Variants in RBFOX1 observed in about 807,000 individuals in gnomAD.
RBFOX1 encodes RNA binding protein fox-1 homolog 1.
In RBFOX1, 8 loss-of-function variants were observed where a neutral mutation model predicts 57.7. The ratio of observed to expected loss-of-function variants is 0.14; its 90% CI spans 0.08 to 0.25. The LOEUF (loss-of-function observed/expected upper bound fraction) is 0.25. Ranked by LOEUF, RBFOX1 falls within the 10% of genes least tolerant of loss-of-function variation. RBFOX1 has a pLI of 1.00. For synonymous variants in RBFOX1, 326 were observed against 222.4 expected (o/e 1.47, Z -4.15); for missense variants, 611 against 548.5 (o/e 1.11, Z -1.14).
At chr16:7,347,420 G>C (rs960127959) in intron 4 of RBFOX1, among the ~76,000 whole-genome samples, 12 of 152,202 alleles carry the variant, frequency 7.9e-5, no homozygotes, top group Admixed American at 7.2e-4. Flanking sequence ...CATGAGACTT[G>C]TTCATTATCA....
At chr16:7,228,676 C>G (rs1395501899) in intron 4 of RBFOX1, among the ~76,000 whole-genome samples, 3 of 152,218 alleles carry the variant, frequency 2.0e-5, no homozygotes, top group African/African-American at 4.8e-5. Flanking sequence ...GGCTGTGCCT[C>G]TCGCTTTATT....
At chr16:7,178,528 T>A (rs1205589454) in intron 4 of RBFOX1, among the ~76,000 whole-genome samples, 1 of 152,228 alleles carries the variant, frequency 6.6e-6, no homozygotes, top group Admixed American at 6.5e-5. Flanking sequence ...AACAATGTGA[T>A]GTGTGCATGG....
At chr16:7,383,693 C>T (rs891909902) in intron 4 of RBFOX1, among the ~76,000 whole-genome samples, 4 of 152,080 alleles carry the variant, frequency 2.6e-5, no homozygotes, top group South Asian at 2.1e-4. Context: ...CTTAAGTTCC[C>T]ATTCTGTATA....
chr16:6,389,286 T>C (rs1429309387), intron 2 of RBFOX1, among the ~76,000 whole-genome samples: 2 of 152,210 alleles, frequency 1.3e-5, no homozygotes, highest in Non-Finnish European at 2.9e-5. Flanking sequence ...CACAGATGCA[T>C]ACAGGACTCT....
intron 1 of RBFOX1, among the ~76,000 whole-genome samples, chr16:6,030,952 A>G (rs912803956): frequency 1.3e-5 from 2 of 152,184 alleles, no homozygotes; most frequent in Non-Finnish European, 2.9e-5. Context: ...CAATATTGAC[A>G]TCATCTCTGC....
intron 3 of RBFOX1, among the ~76,000 whole-genome samples, chr16:6,977,317 A>G (rs1028074489): frequency 6.6e-6 from 1 of 151,936 alleles, no homozygotes; most frequent in Non-Finnish European, 1.5e-5. Flanking sequence ...GTGTTTTGCA[A>G]GAATTGATAT....
At chr16:7,578,108 C>T (rs1315006832) in intron 5 of RBFOX1, among the ~76,000 whole-genome samples, 1 of 152,178 alleles carries the variant, frequency 6.6e-6, no homozygotes, top group East Asian at 1.9e-4. Context: ...GTTTATTTCT[C>T]TTTTTGGTAT....
intron 4 of RBFOX1, among the ~76,000 whole-genome samples, chr16:7,502,069 C>G (rs1411575246): frequency 6.6e-6 from 1 of 152,162 alleles, no homozygotes; most frequent in Non-Finnish European, 1.5e-5. Context: ...TCTTCCAAGT[C>G]CGACTATCAT....
intron 3 of RBFOX1, among the ~76,000 whole-genome samples, chr16:6,683,002 G>A (rs561823539): frequency 6.6e-6 from 1 of 152,036 alleles, no homozygotes; most frequent in Non-Finnish European, 1.5e-5. Context: ...ACACAGCTGG[G>A]CAAGGAGTGA....
intron 4 of RBFOX1, among the ~76,000 whole-genome samples, chr16:5,896,529 C>T (rs1047949896): frequency 2.6e-5 from 4 of 152,200 alleles, no homozygotes; most frequent in African/African-American, 9.6e-5. Flanking sequence ...CAGCCTGAGA[C>T]TCTCACCAGA....
intron 4 of RBFOX1, among the ~76,000 whole-genome samples, chr16:5,915,414 G>A (rs2058683522): frequency 6.6e-6 from 1 of 152,178 alleles, no homozygotes. Context: ...CCTAAATGAT[G>A]TTCATTCATC....
At chr16:6,813,687 A>T (rs930799266) in intron 3 of RBFOX1, among the ~76,000 whole-genome samples, 2 of 152,246 alleles carry the variant, frequency 1.3e-5, no homozygotes, top group East Asian at 3.9e-4. Flanking sequence ...CACCTTTCCA[A>T]GTCCCATACT....
At chr16:7,244,330 G>A (rs906676975) in intron 4 of RBFOX1, among the ~76,000 whole-genome samples, 14 of 146,892 alleles carry the variant, frequency 9.5e-5, no homozygotes, top group African/African-American at 3.5e-4. Context: ...GATCTTGAAA[G>A]TTGCTGGCCT....
At chr16:7,267,475 G>A (rs141122924) in intron 4 of RBFOX1, among the ~76,000 whole-genome samples, 2 of 152,300 alleles carry the variant, frequency 1.3e-5, no homozygotes, top group East Asian at 3.9e-4. Flanking sequence ...GGTGGAGGTT[G>A]CAGCGAGCCA....
chr16:7,342,862 T>G (rs1456755291), intron 4 of RBFOX1, among the ~76,000 whole-genome samples: 1 of 152,162 alleles, frequency 6.6e-6, no homozygotes, highest in Non-Finnish European at 1.5e-5. Flanking sequence ...GCCTCTGTCC[T>G]CAGAGGTTGC....
intron 3 of RBFOX1, among the ~76,000 whole-genome samples, chr16:5,819,972 C>T (rs552174170): frequency 1.4e-3 from 206 of 152,306 alleles, no homozygotes; most frequent in Non-Finnish European, 2.3e-3. Context: ...AGGTACCTTG[C>T]TTACAAGCCA....
chr16:5,365,774 C>G (rs2065695598), intron 1 of RBFOX1: 1 of 498,140 alleles, frequency 2.0e-6, no homozygotes, highest in South Asian at 1.5e-5. Flanking sequence ...TTCTCTCCCA[C>G]CTAAGTGCAT....
At chr16:6,414,461 C>A (rs1231244154) in intron 2 of RBFOX1, among the ~76,000 whole-genome samples, 1 of 152,178 alleles carries the variant, frequency 6.6e-6, no homozygotes, top group East Asian at 1.9e-4. Context: ...TGATCCTCAT[C>A]CATCTTATGT....
In RBFOX1 at chr16:6,097,555, T is replaced by G. The variant is rs1359041215; in HGVS notation, c.-127+77563T>G. Among the ~76,000 whole-genome samples the G allele has an allele frequency of 2.0e-5, 3 of 152,168 alleles. No individual in the cohort carries two copies. Among genetic ancestry groups the G allele is most frequent in the Non-Finnish European group, 2.9e-5 (2 of 68,034 alleles). On this transcript the variant is annotated intron_variant, in intron 1 of 15. Transcript: ENST00000550418. This position sits in a 1 kb window ranked among gnomAD's most constrained non-coding sequence, Gnocchi z 5.0. ...AGTGCTTCTTCTGAATGTTAAAGTA[T>G]AAGAACCTCTGCTGCACAGGGAGAC...
Sources: gnomAD v4.1 joint callset for allele counts (sites outside exome capture counted in the v4.1 genomes callset) on GRCh38, gnomAD v4.1.1 for gene constraint, Gnocchi (gnomAD v3.1) non-coding constraint, MANE v1.5 for transcripts, NCBI Gene and HGNC (gene_info 2026-07-23, HGNC 2026-07-21) for gene names.